The following INTS9 variants were observed in gnomAD, a reference collection of about 807,000 sequenced individuals.
INTS9 encodes integrator complex subunit 9, also known as protein related to CPSF subunits of 74 kDa.
INTS9 carries 55 observed loss-of-function variants against 79.7 expected under a neutral mutation model. The observed-to-expected ratio is 0.69, with a 90% CI of 0.56 to 0.86. The LOEUF is 0.86. Ranked by LOEUF, INTS9 falls within the 40% of genes least tolerant of loss-of-function variation. INTS9 has a pLI of 0.00. For synonymous variants in INTS9, 319 were observed against 325.2 expected, an observed-to-expected ratio of 0.98 and a Z score of 0.20; for missense variants, 721 against 831.5, an observed-to-expected ratio of 0.87 and a Z score of 1.64.
chr8:28,830,052 GAA>G (rs11389846), intron 6 of INTS9, among the ~76,000 whole-genome samples: 5 of 137,784 alleles, frequency 3.6e-5, no homozygotes, highest in African/African-American at 1.1e-4. Context: ...CAAGAATGAA[GAA>G]AAAAAAAAAA....
intron 6 of INTS9, among the ~76,000 whole-genome samples, chr8:28,832,639 C>T (rs1806561424): frequency 6.6e-6 from 1 of 152,194 alleles, no homozygotes; most frequent in Admixed American, 6.5e-5. Flanking sequence ...GTTACTTAAT[C>T]TCTCTGTGTC....
At chr8:28,846,593 A>G (rs1456090270) in intron 4 of INTS9, among the ~76,000 whole-genome samples, 154 bp downstream of exon 4, 3 of 152,246 alleles carry the variant, frequency 2.0e-5, no homozygotes, top group Non-Finnish European at 4.4e-5. Flanking sequence ...CTGCTAAATG[A>G]TGACATTTTG....
intron 11 of INTS9, among the ~76,000 whole-genome samples, chr8:28,786,466 A>AT (rs1371105085): frequency 1.6e-4 from 24 of 151,926 alleles, no homozygotes; most frequent in Non-Finnish European, 2.9e-4. Context: ...AATTTTTTGT[A>AT]TTTTTTTGTA....
intron 6 of INTS9, among the ~76,000 whole-genome samples, chr8:28,828,011 C>T (rs977148425): frequency 2.4e-4 from 36 of 152,132 alleles, no homozygotes; most frequent in Admixed American, 1.8e-3. Flanking sequence ...TGAAATGAAA[C>T]GGTGAAGTGA....
intron 16 of INTS9, among the ~76,000 whole-genome samples, chr8:28,768,855 G>A (rs1048701227): frequency 1.3e-5 from 2 of 152,248 alleles, no homozygotes; most frequent in African/African-American, 4.8e-5. Context: ...CACAGCAGGT[G>A]AAGGGCCTCG....
Position 28,777,259 on chromosome 8 carries a change from G to A in INTS9, c.1395+570C>T, listed in dbSNP as rs188865911. Among the ~76,000 whole-genome samples, 553 of 152,164 alleles carry A rather than the reference G, an allele frequency of 3.6e-3. 4 individuals carry two copies. The highest frequency in any genetic ancestry group is 0.034 in the Middle Eastern group (10 of 294). ...CCTTGCCAATTCCAGTTCCTCTCCC[G>A]ACTCTCAAGAGCCAGAAACCCAGCG... On this transcript the variant is annotated intron_variant, in intron 13 of 16. Coordinates refer to ENST00000521022, the MANE Select transcript of INTS9 (RefSeq NM_018250.4).
chr8:28,797,383 A>G (rs1357398549), intron 8 of INTS9, among the ~76,000 whole-genome samples: 2 of 152,150 alleles, frequency 1.3e-5, no homozygotes, highest in Non-Finnish European at 2.9e-5. Flanking sequence ...ATCTACTCCC[A>G]ATTCCATGAC....
chr8:28,835,294 C>T lies in INTS9; in HGVS notation c.486G>A (p.Gln162=). 6.2e-7 allele frequency: 1 copy of T among 1,612,318 alleles called. No individual in the cohort carries two copies. The highest frequency in any genetic ancestry group is 8.5e-7 in the Non-Finnish European group (1 of 1,178,506). ...SASLWKNKDI[Q]RLLPSPLKDA... is the part of the protein sequence containing the mutation. The stretch of plus-strand genomic sequence containing the variant: ...TAAGAGAGTGGTCTGTTCCTCACCT[C>T]TGAATGTCCTTATTCTTCCACAAGG... The change falls in exon 6 of 17, where the codon CAG becomes CAA. Residue 162 remains glutamine (Q), a splice_region_variant and synonymous_variant. Transcript: ENST00000521022.
chr8:28,844,613 G>T (rs1401197785), intron 4 of INTS9, among the ~76,000 whole-genome samples: 1 of 152,114 alleles, frequency 6.6e-6, no homozygotes, highest in Non-Finnish European at 1.5e-5. Flanking sequence ...ATCACCTGAG[G>T]TCAGGAGTTT....
intron 11 of INTS9, among the ~76,000 whole-genome samples, chr8:28,787,137 G>A (rs914138097): frequency 6.6e-6 from 1 of 152,196 alleles, no homozygotes; most frequent in Non-Finnish European, 1.5e-5. Flanking sequence ...ATAATAACAT[G>A]AGACGCAGAA....
chr8:28,826,601 C>CA, intron 6 of INTS9, among the ~76,000 whole-genome samples: 2 of 152,206 alleles, frequency 1.3e-5, no homozygotes, highest in East Asian at 3.9e-4. Flanking sequence ...TGAGGTAGAT[C>CA]AAGTGGCTTG....
chr8:28,884,632 C>A (rs931719442), intron 1 of INTS9, among the ~76,000 whole-genome samples: 3 of 152,126 alleles, frequency 2.0e-5, no homozygotes, highest in African/African-American at 7.2e-5. Context: ...TCACACGCAG[C>A]TTTTCAGAGT....
intron 14 of INTS9, among the ~76,000 whole-genome samples, chr8:28,771,864 A>G (rs1388140398): frequency 6.7e-6 from 1 of 150,270 alleles, no homozygotes; most frequent in Non-Finnish European, 1.5e-5. Flanking sequence ...ACTCTGAAGG[A>G]GTCTTTTTTT....
At chr8:28,848,185 TAA>T (rs984264191) in intron 3 of INTS9, among the ~76,000 whole-genome samples, 42 of 152,358 alleles carry the variant, frequency 2.8e-4, no homozygotes, top group African/African-American at 9.6e-4. Context: ...CTGAAACCAG[TAA>T]AAGACAGAAT....
At chr8:28,781,034 C>T in intron 11 of INTS9, 40 bp from the exon 12 acceptor site, 1 of 1,552,570 alleles carries the variant, frequency 6.4e-7, no homozygotes, top group South Asian at 1.1e-5. Flanking sequence ...TGTGAGCCTG[C>T]CCAGGCTGAA....
chr8:28,773,514 G>T (rs996167786), intron 14 of INTS9, among the ~76,000 whole-genome samples: 2 of 149,526 alleles, frequency 1.3e-5, no homozygotes, highest in African/African-American at 4.9e-5. Context: ...AATTATGACA[G>T]ACCATTATGC....
At chr8:28,887,519 A>C (rs1229767096) in intron 1 of INTS9, among the ~76,000 whole-genome samples, 2 of 152,248 alleles carry the variant, frequency 1.3e-5, no homozygotes, top group African/African-American at 4.8e-5. Context: ...TGAATCTCAA[A>C]AATGAGAAAA....
intron 8 of INTS9, among the ~76,000 whole-genome samples, chr8:28,797,585 C>T (rs1290564180): frequency 6.6e-6 from 1 of 152,166 alleles, no homozygotes; most frequent in Non-Finnish European, 1.5e-5. Context: ...TTACTCACCA[C>T]AGCTTGAATG....
intron 16 of INTS9, among the ~76,000 whole-genome samples, chr8:28,769,103 G>A (rs1179054280): frequency 2.6e-5 from 4 of 152,206 alleles, no homozygotes; most frequent in South Asian, 2.1e-4. Flanking sequence ...CCCAGCCAGA[G>A]CCTTTTTCCC....
Sources: allele counts gnomAD v4.1 joint callset (sites outside exome capture counted in the v4.1 genomes callset), GRCh38; gene constraint gnomAD v4.1.1; transcripts MANE v1.5; gene names NCBI Gene and HGNC (gene_info 2026-07-23, HGNC 2026-07-21).